Variants in FAN1 observed in about 807,000 individuals in gnomAD.
The protein encoded by FAN1 is FANCD2 and FANCI associated nuclease 1.
Under a neutral mutation model 104.9 loss-of-function variants are expected in FAN1, and 91 were observed. That is an observed-to-expected ratio of 0.87 (90% CI 0.73 to 1.03). The LOEUF (loss-of-function observed/expected upper bound fraction) is 1.03, where lower values mean the gene tolerates loss of function less well. Ranked by LOEUF, FAN1 falls within the 50% of genes least tolerant of loss-of-function variation. The pLI, the probability that FAN1 is intolerant of heterozygous loss-of-function variation, is 0.00. For missense variants in FAN1, 1,263 were observed against 1,239.9 expected, an observed-to-expected ratio of 1.02 and a Z score of -0.28; for synonymous variants, 478 against 457.6, an observed-to-expected ratio of 1.04 and a Z score of -0.57.
rs536177269 is a variant in FAN1 at position 30,914,162 on chromosome 15, T to C, written c.1811+71T>C. On this transcript the variant is annotated intron_variant, in intron 5 of 14. Transcript: ENST00000362065. The stretch of plus-strand genomic sequence containing the variant: ...AATTTAGTAAAAGGTTTTGTTATTT[T>C]TTTCCAGCCAAAGTAGAAACATTAA... 454 of 1,178,650 alleles carry C rather than the reference T, an allele frequency of 3.9e-4. 1 individual carries two copies. The highest frequency in any genetic ancestry group is 5.3e-4 in the Non-Finnish European group (432 of 822,796). 73.0% of individuals were successfully genotyped at this position (1,178,650 alleles called of 1,614,324 possible). A position where few individuals can be genotyped will look rare whatever the true frequency, so the allele number is the denominator to read the frequency against.
At chr15:30,940,351 G>A in intron 14 of FAN1, 1 of 985,400 alleles carries the variant, frequency 1.0e-6, no homozygotes, top group African/African-American at 1.7e-5. Flanking sequence ...GTCCAAAGTT[G>A]GGGGCTGGGG....
intron 4 of FAN1, among the ~76,000 whole-genome samples, chr15:30,913,488 C>T (rs2140913249): frequency 6.6e-6 from 1 of 152,268 alleles, no homozygotes; most frequent in Non-Finnish European, 1.5e-5. Flanking sequence ...AAAGAAATAC[C>T]ATTATTTAAT....
Position 30,939,040 on chromosome 15 carries a change from CTCAAG to C in FAN1, c.*3+1785_*3+1789del, listed in dbSNP as rs2062950663. ...CATCTTCTTGCTCATCCCACTTGAA[CTCAAG>C]TCATCAATTTTAGGCACAAAGGTTT... On this transcript the variant is annotated intron_variant, in intron 14 of 14. Transcript: ENST00000362065. 3.0e-6 allele frequency: 3 copies of C among 985,406 alleles called. No homozygotes were observed. In the South Asian group the frequency reaches 1.4e-4, roughly 46 times the overall value. The allele number at this position is 985,406 out of a possible 1,614,324, so 61.0% of individuals were successfully genotyped here.
intron 4 of FAN1, chr15:30,911,130 T>C: frequency 9.2e-7 from 1 of 1,091,646 alleles, no homozygotes; most frequent in Non-Finnish European, 1.1e-6. Flanking sequence ...AGGTAAACTA[T>C]TTAGTCAAAT....
chr15:30,941,803 C>T lies in FAN1; in HGVS notation c.*241C>T, dbSNP rs530080289. 4.3e-6 allele frequency: 7 copies of T among 1,614,010 alleles called. No individual in the cohort carries two copies. In the South Asian group the frequency reaches 4.4e-5, roughly 10 times the overall value. Reference sequence around the variant, plus strand: ...TGGAGCCACCCAGGCTGATCTGGGCCTCGGGAACCCAGCGGAAGTAGCACA... The same window carrying T: ...TGGAGCCACCCAGGCTGATCTGGGCTTCGGGAACCCAGCGGAAGTAGCACA... On this transcript the variant is annotated 3_prime_UTR_variant, in exon 15 of 15. Transcript: ENST00000362065.
intron 6 of FAN1, among the ~76,000 whole-genome samples, chr15:30,919,900 A>G (rs1190694624): frequency 3.3e-5 from 5 of 152,174 alleles, no homozygotes; most frequent in Admixed American, 2.0e-4. Flanking sequence ...TGTGCAGTTT[A>G]AACCCATGTT....
chr15:30,937,668 T>C (rs1409008851), intron 14 of FAN1, among the ~76,000 whole-genome samples: 2 of 151,426 alleles, frequency 1.3e-5, no homozygotes, highest in Admixed American at 6.6e-5. Context: ...GTTGGCCAGG[T>C]TGGTCTGGAA....
intron 5 of FAN1, among the ~76,000 whole-genome samples, chr15:30,916,038 C>G (rs754921407): frequency 6.6e-6 from 1 of 152,180 alleles, no homozygotes; most frequent in Admixed American, 6.5e-5. Flanking sequence ...TCAGTATAAT[C>G]TGATTTTGGC....
chr15:30,904,528 A>G lies in FAN1; in HGVS notation c.-136A>G. The G allele has an allele frequency of 1.2e-6, 1 of 833,634 alleles. No homozygotes were observed. The highest frequency in any genetic ancestry group is 2.4e-5 in the East Asian group (1 of 41,522). 51.6% of individuals were successfully genotyped at this position (833,634 alleles called of 1,614,324 possible). ...TTCTTGTAGGAAGAAGAAATTGTCG[A>G]GACGAATAACATGAGGTCATATAGA... On this transcript the variant is annotated 5_prime_UTR_variant, in exon 2 of 15. Coordinates refer to ENST00000362065, the MANE Select transcript of FAN1 (RefSeq NM_014967.5).
rs118060760 is a variant in FAN1 at position 30,918,203 on chromosome 15, C to T, written c.1851C>T (p.Ser617=). The T allele has an allele frequency of 0.022, 35,437 of 1,613,892 alleles. 470 individuals are homozygous for T. The highest frequency in any genetic ancestry group is 0.027 in the Non-Finnish European group (31,844 of 1,179,906). The change falls in exon 6 of 15, where the codon TCC becomes TCT. Residue 617 remains serine (S), a synonymous_variant. Coordinates refer to ENST00000362065, the MANE Select transcript of FAN1 (RefSeq NM_014967.5). ...CGCACATGCTGAGTGACATTTCTTC[C>T]GCAATGGCCAATGGGAACTGGGAAG... The part of the protein sequence containing the change: ...AATHMLSDIS[S]AMANGNWEEA...
rs1484113606 is a variant in FAN1 at position 30,920,670 on chromosome 15, C to T, written c.2052+17C>T. On this transcript the variant is annotated intron_variant, in intron 7 of 14. Coordinates refer to ENST00000362065, the MANE Select transcript of FAN1 (RefSeq NM_014967.5). Reference sequence around the variant, plus strand: ...ATGTATGAGGTTAGAGCACAGGTCCCTGCCCCCCACCATTACTGATGTGAT... The same window carrying T: ...ATGTATGAGGTTAGAGCACAGGTCCTTGCCCCCCACCATTACTGATGTGAT... 1.4e-6 allele frequency: 2 copies of T among 1,438,250 alleles called. No individual in the cohort carries two copies. Among genetic ancestry groups the T allele is most frequent in the Non-Finnish European group, 1.9e-6 (2 of 1,030,516 alleles). The allele number at this position is 1,438,250 out of a possible 1,614,324, so 89.1% of individuals were successfully genotyped here.
chr15:30,937,054 A>G (rs1244975253), intron 13 of FAN1, 65 bp from the exon 14 acceptor site: 9 of 1,399,448 alleles, frequency 6.4e-6, no homozygotes, highest in Non-Finnish European at 8.9e-6. Context: ...GACAACTACA[A>G]CTTACTTGAA....
intron 1 of FAN1, 94 bp from the exon 2 acceptor site, chr15:30,904,418 A>T: frequency 1.7e-6 from 1 of 583,208 alleles, no homozygotes; most frequent in Non-Finnish European, 3.0e-6. Context: ...TCTCCTCGTT[A>T]CAGGAGACCT....
intron 5 of FAN1, among the ~76,000 whole-genome samples, chr15:30,916,901 A>G (rs1245572648): frequency 6.6e-6 from 1 of 152,122 alleles, no homozygotes; most frequent in East Asian, 1.9e-4. Context: ...GAGAGGTGAC[A>G]TTTGAAGTGG....
chr15:30,921,733 A>G (rs1338335298), intron 7 of FAN1, among the ~76,000 whole-genome samples: 3 of 152,200 alleles, frequency 2.0e-5, no homozygotes, highest in Admixed American at 1.3e-4. Flanking sequence ...GAAGATTAAC[A>G]AACAGAATGA....
At position 30,939,781 on chromosome 15, in the gene FAN1, G is replaced by A. The variant is rs146708886; in HGVS notation, c.*4-1785G>A. On this transcript the variant is annotated intron_variant, in intron 14 of 14. Coordinates refer to ENST00000362065, the MANE Select transcript of FAN1 (RefSeq NM_014967.5). ...GATTACACTGTCAATGGCAGGATAC[G>A]CTGTGGTGTTATAAGGAGATTGGGT... is the stretch of plus-strand genomic sequence containing the variant. 66 of 985,138 alleles carry A rather than the reference G, an allele frequency of 6.7e-5. No homozygotes were observed. The East Asian group carries it at 1.9e-3, about 29-fold the overall frequency. The allele number at this position is 985,138 out of a possible 1,614,324, so 61.0% of individuals were successfully genotyped here.
At chr15:30,925,990 G>C (rs2062453183) in intron 10 of FAN1, 51 bp downstream of exon 10, 1 of 1,592,956 alleles carries the variant, frequency 6.3e-7, no homozygotes, top group Admixed American at 1.7e-5. Flanking sequence ...TGGACGAGCA[G>C]CAGCACTGGA....
chr15:30,914,327 C>T (rs1015023706), intron 5 of FAN1, among the ~76,000 whole-genome samples: 1 of 151,830 alleles, frequency 6.6e-6, no homozygotes, highest in African/African-American at 2.4e-5. Flanking sequence ...AAAAACTTCT[C>T]TGGTTTATGT....
rs1255740223 is a variant in FAN1 at position 30,930,002 on chromosome 15, TATA to T, written c.2788-538_2788-536del. Among the ~76,000 whole-genome samples, 38 of 135,378 alleles carry T rather than the reference TATA, an allele frequency of 2.8e-4. 1 individual carries two copies. Among genetic ancestry groups the T allele is most frequent in the African/African-American group, 5.3e-4 (19 of 36,048 alleles). 88.8% of individuals were successfully genotyped at this position (135,378 alleles called of 152,430 possible). A position where few individuals can be genotyped will look rare whatever the true frequency, so the allele number is the denominator to read the frequency against. ...ATAATATATAAGATATCATATATAA[TATA>T]ATGTATAAAATATATAATAATATAT... On this transcript the variant is annotated intron_variant, in intron 12 of 14. Coordinates refer to ENST00000362065, the MANE Select transcript of FAN1 (RefSeq NM_014967.5).
Sources: allele counts gnomAD v4.1 joint callset (sites outside exome capture counted in the v4.1 genomes callset), GRCh38; gene constraint gnomAD v4.1.1; transcripts MANE v1.5; gene names NCBI Gene and HGNC (gene_info 2026-07-23, HGNC 2026-07-21).